RYR3: variants seen among roughly 807,000 people sequenced by gnomAD.
RYR3 encodes ryanodine receptor 3.
A neutral mutation model predicts 584.3 loss-of-function variants in RYR3; 207 were observed. The ratio of observed to expected loss-of-function variants is 0.35; its 90% CI spans 0.32 to 0.40. The LOEUF is 0.40. Among genes scored for constraint, RYR3 ranks in the 10% least tolerant of loss-of-function variants. The pLI is 1.00. For missense variants in RYR3, 5,616 were observed against 6,089.2 expected, an observed-to-expected ratio of 0.92 and a Z score of 2.59; for synonymous variants, 2,416 against 2,248.5, an observed-to-expected ratio of 1.07 and a Z score of -2.11.
chr15:33,596,241 A>C (rs2059365071), intron 16 of RYR3, among the ~76,000 whole-genome samples: 1 of 151,986 alleles, frequency 6.6e-6, no homozygotes. Context: ...GTTTTCCTAC[A>C]ATATGTATTT....
chr15:33,800,773 TA>T lies in RYR3; in HGVS notation c.9836del (p.Asn3279ThrfsTer3), dbSNP rs1328495033. ...GTTTATTTACTTTTGGACCCAGATCTAACTGGCTGAAAAGTCCTGATGCTGA... is the reference window on the plus strand; with the variant it reads ...GTTTATTTACTTTTGGACCCAGATCTACTGGCTGAAAAGTCCTGATGCTGA... ...LIRYVDNNRS[N>X]WLKSPDADSD... On this transcript the variant is annotated frameshift_variant, in exon 68 of 104. Coordinates refer to ENST00000634891, the MANE Select transcript of RYR3 (RefSeq NM_001036.6). LOFTEE classifies it high-confidence loss of function. 6 of 1,612,552 alleles carry T rather than the reference TA, an allele frequency of 3.7e-6. No individual in the cohort carries two copies. Among genetic ancestry groups the T allele is most frequent in the Non-Finnish European group, 5.1e-6 (6 of 1,178,552 alleles).
intron 1 of RYR3, among the ~76,000 whole-genome samples, chr15:33,418,981 G>A (rs2044029645): frequency 6.6e-6 from 1 of 152,126 alleles, no homozygotes; most frequent in Non-Finnish European, 1.5e-5. Flanking sequence ...AACACAGAAA[G>A]GTGAGCAGCT....
chr15:33,607,750 C>T (rs1009737805), intron 18 of RYR3, among the ~76,000 whole-genome samples: 3 of 151,948 alleles, frequency 2.0e-5, no homozygotes, highest in African/African-American at 7.3e-5. Flanking sequence ...GTATAATATT[C>T]CTACAGTGTC....
chr15:33,768,552 C>G, intron 60 of RYR3, 106 bp from the exon 61 acceptor site: 1 of 964,716 alleles, frequency 1.0e-6, no homozygotes, highest in Non-Finnish European at 1.7e-6. Context: ...TAGAATGCCA[C>G]TCTGTGCTCT....
rs189763238 is a variant in RYR3 at position 33,840,372 on chromosome 15, G to C, written c.12979-453G>C. On this transcript the variant is annotated intron_variant, in intron 89 of 103. Transcript: ENST00000634891. ...TCATGCAAGACTCATAGGCTGTGTT[G>C]AGGAGCTTGAATTTTACTCTAACTG... is the stretch of plus-strand genomic sequence containing the variant. 1.2e-3 allele frequency among the ~76,000 whole-genome samples: 178 copies of C among 152,322 alleles called. 2 individuals carry two copies. The highest frequency in any genetic ancestry group is 3.9e-3 in the African/African-American group (162 of 41,570).
At chr15:33,833,591 G>A (rs538713838) in intron 86 of RYR3, among the ~76,000 whole-genome samples, 13 of 152,210 alleles carry the variant, frequency 8.5e-5, no homozygotes, top group Non-Finnish European at 1.5e-4. Context: ...TATTTGATAA[G>A]CATCTGATTT....
intron 2 of RYR3, among the ~76,000 whole-genome samples, chr15:33,481,245 T>C (rs2049938671): frequency 6.6e-6 from 1 of 152,232 alleles, no homozygotes; most frequent in Non-Finnish European, 1.5e-5. Flanking sequence ...AGGTAAGTAC[T>C]GTTTTCCTAC....
intron 36 of RYR3, among the ~76,000 whole-genome samples, chr15:33,666,660 T>C (rs1394050017): frequency 6.6e-6 from 1 of 152,214 alleles, no homozygotes; most frequent in Non-Finnish European, 1.5e-5. Flanking sequence ...AAACAGATTT[T>C]TAAGCCCTAT....
intron 13 of RYR3, 56 bp downstream of exon 13, chr15:33,580,200 C>T: frequency 7.5e-7 from 1 of 1,341,850 alleles, no homozygotes; most frequent in Non-Finnish European, 1.0e-6. Flanking sequence ...TAGAATATCC[C>T]TGTGACTACA....
At chr15:33,317,293 G>A (rs1968320532) in intron 1 of RYR3, among the ~76,000 whole-genome samples, 1 of 152,112 alleles carries the variant, frequency 6.6e-6, no homozygotes, top group Non-Finnish European at 1.5e-5. Context: ...CTTTAGTCAT[G>A]TCTGCTCAGG....
In RYR3 at chr15:33,311,865, G is replaced by A. The variant is rs1266437372; in HGVS notation, c.51+769G>A. Among the ~76,000 whole-genome samples, 1 of 152,196 alleles carries A rather than the reference G, an allele frequency of 6.6e-6. No individual in the cohort carries two copies. The highest frequency in any genetic ancestry group is 1.5e-5 in the Non-Finnish European group (1 of 68,040). The stretch of plus-strand genomic sequence containing the variant: ...TCCGTCCCAGATTTGGGGGTGAGGG[G>A]GCGAAGTCTGTTGCAGCCACACCAG... On this transcript the variant is annotated intron_variant, in intron 1 of 103. Transcript: ENST00000634891. This position sits in a 1 kb window ranked among gnomAD's most constrained non-coding sequence, Gnocchi z 4.4.
intron 1 of RYR3, among the ~76,000 whole-genome samples, chr15:33,462,953 T>C (rs1322247961): frequency 6.6e-6 from 1 of 152,090 alleles, no homozygotes; most frequent in Non-Finnish European, 1.5e-5. Flanking sequence ...GGCTGATTGC[T>C]TGAGCCCAGA....
In RYR3 at chr15:33,774,360, TG is replaced by T. The variant is rs372106948; in HGVS notation, c.9137+747del. Among the ~76,000 whole-genome samples the T allele has an allele frequency of 4.3e-3, 659 of 152,350 alleles. 3 individuals are homozygous for T. The highest frequency in any genetic ancestry group is 0.015 in the African/African-American group (632 of 41,582). ...TTCTTGCCTTTTCAAACAAGCAAACTGGAAAGAATTCGGTCTGTGCTTACAA... is the reference window on the plus strand; with the variant it reads ...TTCTTGCCTTTTCAAACAAGCAAACTGAAAGAATTCGGTCTGTGCTTACAA... On this transcript the variant is annotated intron_variant, in intron 64 of 103. Coordinates refer to ENST00000634891, the MANE Select transcript of RYR3 (RefSeq NM_001036.6).
intron 38 of RYR3, among the ~76,000 whole-genome samples, chr15:33,689,749 G>A (rs1358296557): frequency 2.7e-5 from 4 of 150,026 alleles, no homozygotes; most frequent in African/African-American, 9.8e-5. Flanking sequence ...TGTTACTATA[G>A]GAGTTATACC....
At position 33,755,167 on chromosome 15, in the gene RYR3, T is replaced by C; in HGVS notation, c.8502T>C (p.Phe2834=). The change falls in exon 58 of 104, where the codon TTT becomes TTC. Residue 2834 remains phenylalanine, a synonymous_variant. Coordinates refer to ENST00000634891, the MANE Select transcript of RYR3 (RefSeq NM_001036.6). ...AATACGTTGATTCTGCTCAAGAATTTATTGCCCATTTAGGTAAGTATCATC... is the reference window on the plus strand; with the variant it reads ...AATACGTTGATTCTGCTCAAGAATTCATTGCCCATTTAGGTAAGTATCATC... ...ILKYVDSAQE[F]IAHLEAIVSS... 6.3e-7 allele frequency: 1 copy of C among 1,597,258 alleles called. No homozygotes were observed. The highest frequency in any genetic ancestry group is 8.6e-7 in the Non-Finnish European group (1 of 1,165,908).
intron 1 of RYR3, among the ~76,000 whole-genome samples, chr15:33,337,124 A>G (rs1050401031): frequency 1.3e-5 from 2 of 150,498 alleles, no homozygotes; most frequent in South Asian, 2.1e-4. Flanking sequence ...AAGAGAAGGC[A>G]TGAGTAATCC....
At chr15:33,703,275 G>A (rs995193307) in intron 42 of RYR3, among the ~76,000 whole-genome samples, 3 of 152,210 alleles carry the variant, frequency 2.0e-5, no homozygotes, top group African/African-American at 4.8e-5. Flanking sequence ...TTTCTAATGG[G>A]AGGAACTTTC....
intron 1 of RYR3, among the ~76,000 whole-genome samples, chr15:33,327,550 G>C (rs1184675722): frequency 1.3e-5 from 2 of 152,166 alleles, no homozygotes; most frequent in African/African-American, 2.4e-5. Flanking sequence ...GGTTTAGTAA[G>C]GACTATAACT....
chr15:33,800,731 C>T (rs377603271), intron 67 of RYR3, 39 bp from the exon 68 acceptor site: 9 of 1,422,176 alleles, frequency 6.3e-6, no homozygotes, highest in Non-Finnish European at 9.0e-6. Flanking sequence ...TTAATCTCTA[C>T]TGAATTTCAA....
Sources: allele counts gnomAD v4.1 joint callset (sites outside exome capture counted in the v4.1 genomes callset), GRCh38; gene constraint gnomAD v4.1.1; non-coding constraint Gnocchi (gnomAD v3.1); transcripts MANE v1.5; gene names NCBI Gene and HGNC (gene_info 2026-07-23, HGNC 2026-07-21).